TBC1D19: variants seen among roughly 807,000 people sequenced by gnomAD.
TBC1D19 encodes TBC1 domain family member 19, also known as TBC1 domain family, member 19.
In TBC1D19, 60 loss-of-function variants were observed where a neutral mutation model predicts 89.0. The observed-to-expected ratio is 0.67, with a 90% CI of 0.55 to 0.84. The LOEUF (loss-of-function observed/expected upper bound fraction) is 0.84. TBC1D19 is among the 40% of genes least tolerant of loss of function. TBC1D19 has a pLI of 0.00. For missense variants in TBC1D19, 500 were observed against 610.8 expected (o/e 0.82, Z 1.91); for synonymous variants, 189 against 199.7 (o/e 0.95, Z 0.45).
intron 5 of TBC1D19, among the ~76,000 whole-genome samples, chr4:26,638,024 A>T (rs1363934983): frequency 6.6e-6 from 1 of 152,234 alleles, no homozygotes; most frequent in Non-Finnish European, 1.5e-5. Flanking sequence ...GTAGGAAACG[A>T]AAAGGATAAT....
chr4:26,614,753 C>T (rs1741576909), intron 3 of TBC1D19, among the ~76,000 whole-genome samples: 1 of 152,068 alleles, frequency 6.6e-6, no homozygotes, highest in Non-Finnish European at 1.5e-5. Flanking sequence ...CTTGGCTTAA[C>T]TGAAACCTCC....
chr4:26,660,553 C>T (rs1467757375), intron 8 of TBC1D19, among the ~76,000 whole-genome samples: 1 of 152,144 alleles, frequency 6.6e-6, no homozygotes, highest in East Asian at 1.9e-4. Flanking sequence ...CCTTTGCCAG[C>T]AGGCCTGATG....
Position 26,753,869 on chromosome 4 carries a change from G to A in TBC1D19, c.1485G>A (p.Val495=). 6.2e-7 allele frequency: 1 copy of A among 1,613,928 alleles called. No homozygotes were observed. Among genetic ancestry groups the A allele is most frequent in the Non-Finnish European group, 8.5e-7 (1 of 1,179,880 alleles). The change falls in exon 20 of 21, where the codon GTG becomes GTA. Residue 495 remains valine, a synonymous_variant. Transcript: ENST00000264866. ...TCCGAGCAGTGAACCTGATGGAGGT[G>A]ACATCACTGGCTGCAGCTGAAGTAA... The part of the protein sequence containing the change: ...FAFRAVNLME[V]TSLAAAEAVL...
At chr4:26,625,179 A>G (rs143728612) in intron 4 of TBC1D19, among the ~76,000 whole-genome samples, 50 of 152,140 alleles carry the variant, frequency 3.3e-4, no homozygotes, top group Non-Finnish European at 5.1e-4. Flanking sequence ...CTACACTGGT[A>G]CTTAATTTTC....
chr4:26,746,887 G>A (rs932769635), intron 18 of TBC1D19, among the ~76,000 whole-genome samples: 4 of 152,140 alleles, frequency 2.6e-5, no homozygotes, highest in Non-Finnish European at 5.9e-5. Context: ...TGTGATACCA[G>A]GACAGTCAAC....
chr4:26,596,416 G>A (rs1337159593), intron 1 of TBC1D19, among the ~76,000 whole-genome samples: 1 of 151,666 alleles, frequency 6.6e-6, no homozygotes, highest in Non-Finnish European at 1.5e-5. Flanking sequence ...TCTTGTTAAT[G>A]TCTGAAAAAA....
chr4:26,788,911 G>A, the TBC1D19 span, among the ~76,000 whole-genome samples: 1 of 152,174 alleles, frequency 6.6e-6, no homozygotes, highest in African/African-American at 2.4e-5. Context: ...GGCCTTCTTG[G>A]CTGAACATTT....
the TBC1D19 span, among the ~76,000 whole-genome samples, chr4:26,800,797 A>G: frequency 6.6e-6 from 1 of 152,170 alleles, no homozygotes; most frequent in African/African-American, 2.4e-5. Flanking sequence ...TGGCTGCCTA[A>G]ATATCTTCTT....
intron 12 of TBC1D19, among the ~76,000 whole-genome samples, chr4:26,686,857 C>G (rs928617340): frequency 6.6e-6 from 1 of 152,128 alleles, no homozygotes; most frequent in Non-Finnish European, 1.5e-5. Flanking sequence ...CCATCCTCCC[C>G]TGATTGCTAC....
the TBC1D19 span, among the ~76,000 whole-genome samples, chr4:26,812,405 G>T: frequency 6.6e-6 from 1 of 152,046 alleles, no homozygotes; most frequent in Admixed American, 6.6e-5. The surrounding 1 kb of genome is among the most constrained non-coding windows in gnomAD (Gnocchi z 4.2). Flanking sequence ...TACCATGAAC[G>T]ATCCCCACGG....
chr4:26,691,863 A>G (rs1370105606), intron 13 of TBC1D19, among the ~76,000 whole-genome samples: 3 of 152,230 alleles, frequency 2.0e-5, no homozygotes, highest in Non-Finnish European at 2.9e-5. Flanking sequence ...CTTCAGAAAT[A>G]CAGAGTGGAA....
upstream of TBC1D19, among the ~76,000 whole-genome samples, chr4:26,582,766 A>T (rs1739130605): frequency 1.3e-5 from 2 of 152,146 alleles, no homozygotes; most frequent in Non-Finnish European, 2.9e-5. Flanking sequence ...CTCTTTCTAA[A>T]CTTGGTTTGA....
chr4:26,735,632 C>G (rs1578001415), intron 16 of TBC1D19, 145 bp downstream of exon 16: 4 of 602,860 alleles, frequency 6.6e-6, no homozygotes, highest in South Asian at 3.8e-5. Context: ...TGCTAGTTCC[C>G]CATAGGGGCT....
At chr4:26,838,276 T>C in the TBC1D19 span, among the ~76,000 whole-genome samples, 2 of 152,172 alleles carry the variant, frequency 1.3e-5, no homozygotes, top group Non-Finnish European at 2.9e-5. Context: ...ACTTGCAAGT[T>C]TGGATTTCAG....
chr4:26,632,077 C>T (rs1350788063), intron 4 of TBC1D19, among the ~76,000 whole-genome samples: 1 of 152,062 alleles, frequency 6.6e-6, no homozygotes, highest in Non-Finnish European at 1.5e-5. Context: ...AAATATTCAA[C>T]ATCTTGTCTA....
the TBC1D19 span, among the ~76,000 whole-genome samples, chr4:26,786,505 G>A: frequency 6.6e-6 from 1 of 152,112 alleles, no homozygotes; most frequent in African/African-American, 2.4e-5. Context: ...ATGGTGGCCA[G>A]TGCCTGTAGT....
intron 3 of TBC1D19, among the ~76,000 whole-genome samples, chr4:26,618,472 G>T (rs1741833058): frequency 6.6e-6 from 1 of 152,158 alleles, no homozygotes; most frequent in South Asian, 2.1e-4. Flanking sequence ...ACAAAAGTTT[G>T]TATGGCTGAA....
chr4:26,655,255 G>T (rs548975556), intron 7 of TBC1D19, among the ~76,000 whole-genome samples: 1 of 152,254 alleles, frequency 6.6e-6, no homozygotes, highest in Admixed American at 6.5e-5. Context: ...AGGAGTACCC[G>T]GCCATGTGAG....
chr4:26,753,535 T>C (rs930051508), intron 19 of TBC1D19, among the ~76,000 whole-genome samples: 39 of 152,338 alleles, frequency 2.6e-4, no homozygotes, highest in African/African-American at 9.1e-4. Flanking sequence ...GTTTAAGTTG[T>C]AGGTCTGAAA....
Sources: gnomAD v4.1 joint callset for allele counts (sites outside exome capture counted in the v4.1 genomes callset) on GRCh38, gnomAD v4.1.1 for gene constraint, Gnocchi (gnomAD v3.1) non-coding constraint, MANE v1.5 for transcripts, NCBI Gene and HGNC (gene_info 2026-07-23, HGNC 2026-07-21) for gene names.